HERC1: variants seen among roughly 807,000 people sequenced by gnomAD.
The protein encoded by HERC1 is HECT and RLD domain containing E3 ubiquitin protein ligase family member 1, also known as probable E3 ubiquitin-protein ligase HERC1.
In HERC1, 160 loss-of-function variants were observed where a neutral mutation model predicts 554.3. The observed-to-expected ratio is 0.29, with a 90% CI of 0.25 to 0.33. The LOEUF (loss-of-function observed/expected upper bound fraction) is 0.33. HERC1 is among the 10% of genes least tolerant of loss of function. The pLI is 1.00. For missense variants in HERC1, 4,919 were observed against 5,918.5 expected, an observed-to-expected ratio of 0.83 and a Z score of 5.54; for synonymous variants, 2,175 against 2,131.7, an observed-to-expected ratio of 1.02 and a Z score of -0.56.
In HERC1 at chr15:63,634,776, A is replaced by T; in HGVS notation, c.12527T>A (p.Leu4176His). 6.2e-7 allele frequency: 1 copy of T among 1,613,352 alleles called. No individual in the cohort carries two copies. Among genetic ancestry groups the T allele is most frequent in the Middle Eastern group, 1.7e-4 (1 of 6,060 alleles). The change falls in exon 66 of 78, where the codon CTT (leucine) becomes CAT (histidine). Residue 4176 changes from leucine (L) to histidine (H), a missense_variant. Physicochemically the swap from Leu to His is moderately conservative, Grantham distance 99. Around this residue, in one of 11 missense-constraint regions of HERC1, gnomAD observed 410 missense variants for 467.0 expected, o/e 0.88. Coordinates refer to ENST00000443617, the MANE Select transcript of HERC1 (RefSeq NM_003922.4). The stretch of plus-strand genomic sequence containing the variant: ...CTCCAGTGCAGTCACTCTCTCTGGA[A>T]GTTTTTTGTTAGAGGTATTTCCAAG... The part of the protein sequence containing the change: ...LGLGNTSNKK[L>H]PERVTALEGY...
intron 4 of HERC1, among the ~76,000 whole-genome samples, chr15:63,757,262 C>CTTTTT (rs56196711): frequency 0.012 from 1,322 of 107,824 alleles, 49 homozygotes; most frequent in Non-Finnish European, 0.016. Context: ...TTTTTATTTA[C>CTTTTT]TTTTTTTTTT....
At chr15:63,704,896 G>T (rs1471480027) in intron 25 of HERC1, among the ~76,000 whole-genome samples, 1 of 151,526 alleles carries the variant, frequency 6.6e-6, no homozygotes, top group Non-Finnish European at 1.5e-5. Context: ...CCACCACCAC[G>T]CCCGGCTAAT....
intron 44 of HERC1, among the ~76,000 whole-genome samples, chr15:63,662,315 TA>T (rs943365535): frequency 1.3e-5 from 2 of 149,120 alleles, no homozygotes; most frequent in African/African-American, 2.5e-5. Flanking sequence ...TGAGGCTTTT[TA>T]AAAAAAAAAC....
At position 63,608,860 on chromosome 15, in the gene HERC1, CCTGA is replaced by C. The variant is rs1335075922; in HGVS notation, c.*217_*220del. On this transcript the variant is annotated 3_prime_UTR_variant, in exon 78 of 78. Coordinates refer to ENST00000443617, the MANE Select transcript of HERC1 (RefSeq NM_003922.4). ...GTGACCAAAAATATGGAGGGAAAAA[CCTGA>C]CTGAGAGCACTTCGTTTTTGTTGTT... 7 of 403,532 alleles carry C rather than the reference CCTGA, an allele frequency of 1.7e-5. No homozygotes were observed. In the South Asian group the frequency reaches 1.9e-4, roughly 11 times the overall value. 25.0% of individuals were successfully genotyped at this position (403,532 alleles called of 1,614,324 possible). A position where few individuals can be genotyped will look rare whatever the true frequency, so the allele number is the denominator to read the frequency against.
intron 60 of HERC1, among the ~76,000 whole-genome samples, chr15:63,640,966 T>C (rs1201409026): frequency 6.6e-6 from 1 of 152,212 alleles, no homozygotes; most frequent in East Asian, 1.9e-4. Flanking sequence ...AGGATCACTG[T>C]CTGGACAAGT....
chr15:63,752,765 G>T (rs570930220), intron 8 of HERC1, 193 bp downstream of exon 8: 2 of 480,460 alleles, frequency 4.2e-6, no homozygotes, highest in African/African-American at 1.9e-5. Flanking sequence ...ATTTATCTGG[G>T]TCACATATGC....
At chr15:63,640,562 T>C (rs1354540854) in intron 60 of HERC1, 117 bp from the exon 61 acceptor site, 23 of 846,940 alleles carry the variant, frequency 2.7e-5, no homozygotes, top group Non-Finnish European at 4.2e-5. Flanking sequence ...TTTAAGCTTT[T>C]TGCTAGGAAA....
intron 60 of HERC1, among the ~76,000 whole-genome samples, chr15:63,640,822 T>C (rs1220172924): frequency 6.6e-6 from 1 of 152,224 alleles, no homozygotes; most frequent in East Asian, 1.9e-4. Flanking sequence ...ATTTTCATCA[T>C]GGTTTTTCTT....
At chr15:63,714,543 C>CTTTT (rs1431242256) in intron 22 of HERC1, among the ~76,000 whole-genome samples, 1 of 113,020 alleles carries the variant, frequency 8.8e-6, no homozygotes, top group African/African-American at 3.3e-5. Context: ...TTTCCTTTTT[C>CTTTT]TGTTTTTTTT....
chr15:63,781,993 A>G (rs556210423), intron 1 of HERC1, among the ~76,000 whole-genome samples: 1 of 152,240 alleles, frequency 6.6e-6, no homozygotes, highest in Non-Finnish European at 1.5e-5. Flanking sequence ...TGAGAGAGGT[A>G]AGGAAAATGC....
chr15:63,694,394 G>A lies in HERC1; in HGVS notation c.5398C>T (p.Pro1800Ser), dbSNP rs758082345. ...CTAAGCTGGGAAACACCCGTCTTTG[G>A]CAACAACTGCAGGGGCTGTCCTAGC... ...TMLGQPLQLL[P>S]KTGVSQLSTA... The change falls in exon 29 of 78, where the codon CCA becomes TCA. Residue 1800 changes from proline to serine, a missense_variant. Physicochemically the swap from Pro to Ser is moderately conservative, Grantham distance 74. Transcript: ENST00000443617. This position sits in a 1 kb window ranked among gnomAD's most constrained non-coding sequence, Gnocchi z 4.3. The A allele has an allele frequency of 1.2e-6, 2 of 1,613,942 alleles. No homozygotes were observed. The highest frequency in any genetic ancestry group is 3.3e-5 in the Admixed American group (2 of 60,020).
intron 2 of HERC1, among the ~76,000 whole-genome samples, chr15:63,773,676 T>C (rs1259184949): frequency 1.3e-5 from 2 of 151,746 alleles, no homozygotes; most frequent in Non-Finnish European, 2.9e-5. Context: ...CCCAAGTAGC[T>C]AGGATTACAG....
chr15:63,721,197 TCAC>T (rs1319826713), intron 19 of HERC1, among the ~76,000 whole-genome samples: 1 of 151,866 alleles, frequency 6.6e-6, no homozygotes. Flanking sequence ...CTGGTAGGAG[TCAC>T]CACAACAGAA....
At chr15:63,705,773 T>C (rs2072969466) in intron 25 of HERC1, among the ~76,000 whole-genome samples, 1 of 152,134 alleles carries the variant, frequency 6.6e-6, no homozygotes, top group African/African-American at 2.4e-5. Flanking sequence ...ATGCATACAA[T>C]AATCCCAGCA....
intron 2 of HERC1, among the ~76,000 whole-genome samples, chr15:63,767,566 C>A (rs1372669105): frequency 6.6e-6 from 1 of 152,006 alleles, no homozygotes; most frequent in Non-Finnish European, 1.5e-5. Context: ...GGCGTGGTGG[C>A]GGGCACCTGT....
At position 63,658,685 on chromosome 15, in the gene HERC1, C is replaced by T. The variant is rs1160106116; in HGVS notation, c.9458G>A (p.Gly3153Glu). 4 of 1,613,326 alleles carry T rather than the reference C, an allele frequency of 2.5e-6. No individual in the cohort carries two copies. The highest frequency in any genetic ancestry group is 3.3e-5 in the Admixed American group (2 of 59,980). ...CHGSVEKSSS[G>E]RITLGEQAAA... ...TGCCTGCTCTCCTAACGTTATTCTC[C>T]CAGAGGAGCTCTTTTCTACGGAGCC... Residue 3153 changes from glycine (G) to glutamate (E), a missense_variant, in exon 48 of 78, where the codon GGG (glycine) becomes GAG (glutamate). This residue lies in a region of HERC1 where 1,963 missense variants were observed against 2,228.6 expected (regional missense o/e 0.88). Transcript: ENST00000443617.
intron 38 of HERC1, 28 bp downstream of exon 38, chr15:63,674,314 C>CAAAAA: frequency 7.4e-7 from 1 of 1,356,358 alleles, no homozygotes; most frequent in Non-Finnish European, 9.9e-7. Flanking sequence ...AGCACAAAAG[C>CAAAAA]AAAAAAAAAA....
Position 63,651,375 on chromosome 15 carries a change from C to T in HERC1, c.10424G>A (p.Gly3475Glu), listed in dbSNP as rs201961752. 74 of 1,613,112 alleles carry T rather than the reference C, an allele frequency of 4.6e-5. No homozygotes were observed. Among genetic ancestry groups the T allele is most frequent in the Non-Finnish European group, 6.1e-5 (72 of 1,179,426 alleles). The part of the protein sequence containing the change: ...QQTCVFNRLE[G>E]DAEESLGSPS... ...TGATCCCAGGCTTTCCTCAGCATCC[C>T]CTTCCCTAGAATATAACAGACAGAT... The change falls in exon 53 of 78, where the codon GGG (glycine) becomes GAG (glutamate). Residue 3475 changes from glycine to glutamate, a missense_variant. Physicochemically the swap from Gly to Glu is moderately conservative, Grantham distance 98. This residue lies in a region of HERC1 where 1,963 missense variants were observed against 2,228.6 expected (regional missense o/e 0.88). Transcript: ENST00000443617.
chr15:63,646,589 C>T lies in HERC1; in HGVS notation c.10879-907G>A, dbSNP rs4984306. On this transcript the variant is annotated intron_variant, in intron 55 of 77. Coordinates refer to ENST00000443617, the MANE Select transcript of HERC1 (RefSeq NM_003922.4). ...GGCCGAGGTGGGCGGATCATGAAGT[C>T]AGGAATTCGAGACCAGCCTGGCCAG... Among the ~76,000 whole-genome samples, 98 of 150,502 alleles carry T rather than the reference C, an allele frequency of 6.5e-4. 2 individuals are homozygous for T. Among genetic ancestry groups the T allele is most frequent in the Admixed American group, 4.0e-4 (6 of 15,132 alleles).
Sources: allele counts gnomAD v4.1 joint callset (sites outside exome capture counted in the v4.1 genomes callset), GRCh38; gene constraint gnomAD v4.1.1; regional missense constraint gnomAD v4.1.1; non-coding constraint Gnocchi (gnomAD v3.1); transcripts MANE v1.5; gene names NCBI Gene and HGNC (gene_info 2026-07-23, HGNC 2026-07-21).